TRIM72: variants seen among roughly 807,000 people sequenced by gnomAD.
TRIM72 encodes the protein tripartite motif containing 72.
TRIM72 carries 33 observed loss-of-function variants against 31.6 expected under a neutral mutation model. The observed-to-expected ratio is 1.04, with a 90% CI of 0.79 to 1.40. The LOEUF (loss-of-function observed/expected upper bound fraction) is 1.40. TRIM72 is among the 40% of genes most tolerant of loss of function. The probability of loss-of-function intolerance (pLI) is 0.00; values close to 1 mark genes in which losing one functional copy is unlikely to be tolerated. For missense variants in TRIM72, 666 were observed against 682.7 expected (o/e 0.98, Z 0.27); for synonymous variants, 301 against 314.4 (o/e 0.96, Z 0.45).
chr16:31,224,585 G>T lies in TRIM72; in HGVS notation c.1264G>T (p.Gly422Cys), dbSNP rs777875525. ...RIGLYLSFGD[G>C]VLSFYDASDA... is the part of the protein sequence containing the mutation. ...TGGCCTTTACCTGAGCTTCGGCGAC[G>T]GCGTCCTCTCCTTCTACGATGCCAG... The change falls in exon 7 of 7, where the codon GGC becomes TGC. Residue 422 changes from glycine (G) to cysteine (C), a missense_variant. Transcript: ENST00000322122. The T allele has an allele frequency of 2.6e-6, 4 of 1,554,164 alleles. No homozygotes were observed. The highest frequency in any genetic ancestry group is 3.7e-5 in the Admixed American group (2 of 53,680).
chr16:31,219,302 A>C lies in TRIM72; in HGVS notation c.500A>C (p.Gln167Pro). ...CCATCCCTGCAGGAGACAGTGCGTC[A>C]GTTCCGGGGGGCCGTGGGGGAGCAG... The part of the protein sequence containing the change: ...QLVEVEETVR[Q>P]FRGAVGEQLG... Residue 167 changes from glutamine (Q) to proline (P), a missense_variant, in exon 4 of 7, where the codon CAG becomes CCG. Transcript: ENST00000322122. The surrounding 1 kb of genome is among the most constrained non-coding windows in gnomAD (Gnocchi z 4.2). The C allele has an allele frequency of 6.2e-7, 1 of 1,614,172 alleles. No homozygotes were observed. The highest frequency in any genetic ancestry group is 8.5e-7 in the Non-Finnish European group (1 of 1,180,028).
At position 31,215,370 on chromosome 16, in the gene TRIM72, T is replaced by C. The variant is rs6565222; in HGVS notation, c.390+242T>C. 0.027 allele frequency among the ~76,000 whole-genome samples: 4,160 copies of C among 152,120 alleles called. 192 individuals carry two copies. Among genetic ancestry groups the C allele is most frequent in the African/African-American group, 0.094 (3,891 of 41,508 alleles). On this transcript the variant is annotated intron_variant, in intron 2 of 6. Coordinates refer to ENST00000322122, the MANE Select transcript of TRIM72 (RefSeq NM_001008274.4). This position sits in a 1 kb window ranked among gnomAD's most constrained non-coding sequence, Gnocchi z 6.3. Reference sequence around the variant, plus strand: ...GATAAGGGCGCTGAGCAAACGTAGGTTTCCCGGCCTTAGTCCCTAGAGGAA... The same window carrying C: ...GATAAGGGCGCTGAGCAAACGTAGGCTTCCCGGCCTTAGTCCCTAGAGGAA...
At position 31,219,862 on chromosome 16, in the gene TRIM72, A is replaced by G. The variant is rs2079525959; in HGVS notation, c.717+343A>G. On this transcript the variant is annotated intron_variant, in intron 4 of 6. Coordinates refer to ENST00000322122, the MANE Select transcript of TRIM72 (RefSeq NM_001008274.4). The surrounding 1 kb of genome is among the most constrained non-coding windows in gnomAD (Gnocchi z 4.2). ...ACTGCAAGCTCCGCCTCCTGGGTTC[A>G]TGCTATTCTCCTGCCTCAGCCTCCC... 1.4e-5 allele frequency among the ~76,000 whole-genome samples: 2 copies of G among 145,732 alleles called. No individual in the cohort carries two copies. Among genetic ancestry groups the G allele is most frequent in the African/African-American group, 5.2e-5 (2 of 38,668 alleles).
At chr16:31,221,379 A>G (rs1422892014) in intron 5 of TRIM72, among the ~76,000 whole-genome samples, 31 of 112,710 alleles carry the variant, frequency 2.8e-4, no homozygotes, top group South Asian at 6.9e-4. Context: ...GAAGGGCATT[A>G]TGGGGAGAAG....
At chr16:31,214,346 G>A (rs1176258799) in intron 1 of TRIM72, 49 bp downstream of exon 1, 1 of 180,606 alleles carries the variant, frequency 5.5e-6, no homozygotes, top group Non-Finnish European at 1.1e-5. Flanking sequence ...TGGGTATCTT[G>A]GTAAAGTGAG....
chr16:31,223,906 AAAAAAAC>A, intron 6 of TRIM72, among the ~76,000 whole-genome samples: 1 of 152,212 alleles, frequency 6.6e-6, no homozygotes, highest in East Asian at 1.9e-4. Flanking sequence ...ACCCCGCCTC[AAAAAAAC>A]AAAAAACAAA....
At position 31,231,104 on chromosome 16, in the gene TRIM72, A is replaced by G. The variant is rs1423870219; in HGVS notation, c.*6349A>G. On this transcript the variant is annotated 3_prime_UTR_variant, in exon 7 of 7. Coordinates refer to ENST00000322122, the MANE Select transcript of TRIM72 (RefSeq NM_001008274.4). ...AGTGGCGTGATCTCGGCTCACTGCA[A>G]CCTCCGCCCTCTGGGTTCACGCCAT... The G allele has an allele frequency of 6.6e-6, 1 of 151,294 alleles. No individual in the cohort carries two copies. Among genetic ancestry groups the G allele is most frequent in the Non-Finnish European group, 1.5e-5 (1 of 67,856 alleles). The allele number at this position is 151,294 out of a possible 1,614,324, so 9.4% of individuals were successfully genotyped here. A position where few individuals can be genotyped will look rare whatever the true frequency, so the allele number is the denominator to read the frequency against.
chr16:31,216,640 A>T lies in TRIM72; in HGVS notation c.390+1512A>T. The T allele has an allele frequency of 8.1e-7, 1 of 1,238,442 alleles. No homozygotes were observed. The highest frequency in any genetic ancestry group is 1.1e-6 in the Non-Finnish European group (1 of 900,370). 76.7% of individuals were successfully genotyped at this position (1,238,442 alleles called of 1,614,324 possible). A position where few individuals can be genotyped will look rare whatever the true frequency, so the allele number is the denominator to read the frequency against. ...GGGCTGGCCGGAGGTCTGAGGGAGG[A>T]CCCCAGGAGGGACCCTGAAGGAGGG... is the stretch of plus-strand genomic sequence containing the variant. On this transcript the variant is annotated intron_variant, in intron 2 of 6. Coordinates refer to ENST00000322122, the MANE Select transcript of TRIM72 (RefSeq NM_001008274.4). This position sits in a 1 kb window ranked among gnomAD's most constrained non-coding sequence, Gnocchi z 6.7.
chr16:31,223,957 C>T (rs990874016), intron 6 of TRIM72, among the ~76,000 whole-genome samples: 3 of 152,050 alleles, frequency 2.0e-5, no homozygotes, highest in African/African-American at 7.2e-5. Flanking sequence ...ACAACAAAAA[C>T]AAAAAGAAAA....
In TRIM72 at chr16:31,230,361, ACTGT is replaced by A. The variant is rs2079565990; in HGVS notation, c.*5609_*5612del. On this transcript the variant is annotated 3_prime_UTR_variant, in exon 7 of 7. Coordinates refer to ENST00000322122, the MANE Select transcript of TRIM72 (RefSeq NM_001008274.4). ...ATGTAATGCATGTCTCAACTGAATA[ACTGT>A]CTTTGTTTCTTGCTTCTGTAATATG... 6 of 152,160 alleles carry A rather than the reference ACTGT, an allele frequency of 3.9e-5. No individual in the cohort carries two copies. The highest frequency in any genetic ancestry group is 3.9e-4 in the Admixed American group (6 of 15,246). The allele number at this position is 152,160 out of a possible 1,614,324, so 9.4% of individuals were successfully genotyped here.
rs2079562593 is a variant in TRIM72, at chr16:31,229,085, G to C, written c.*4330G>C. 1 of 152,260 alleles carries C rather than the reference G, an allele frequency of 6.6e-6. No individual in the cohort carries two copies. The highest frequency in any genetic ancestry group is 2.1e-4 in the South Asian group (1 of 4,830). The allele number at this position is 152,260 out of a possible 1,614,324, so 9.4% of individuals were successfully genotyped here. Reference sequence around the variant, plus strand: ...GTCTACACACAGGCCATGGTGTCTGGAGGGATGGTGGTATCTGAGACCCAA... The same window carrying C: ...GTCTACACACAGGCCATGGTGTCTGCAGGGATGGTGGTATCTGAGACCCAA... On this transcript the variant is annotated 3_prime_UTR_variant, in exon 7 of 7. Transcript: ENST00000322122.
At position 31,219,083 on chromosome 16, in the gene TRIM72, C is replaced by T; in HGVS notation, c.391-12C>T. On this transcript the variant is annotated splice_polypyrimidine_tract_variant and intron_variant, in intron 2 of 6. Transcript: ENST00000322122. The surrounding 1 kb of genome is among the most constrained non-coding windows in gnomAD (Gnocchi z 4.2). ...TGGCATCCCCATCACTTCTCCATGC[C>T]TCGACCCCCAGACACAGCTGCCACA... The T allele has an allele frequency of 6.4e-7, 1 of 1,557,726 alleles. No homozygotes were observed. Among genetic ancestry groups the T allele is most frequent in the Middle Eastern group, 1.7e-4 (1 of 5,830 alleles).
rs1349892029 is a variant in TRIM72, at chr16:31,214,753, C to G, written c.15C>G (p.Pro5=). 1.3e-6 allele frequency: 2 copies of G among 1,574,112 alleles called. No homozygotes were observed. The highest frequency in any genetic ancestry group is 1.1e-5 in the South Asian group (1 of 88,800). Reference sequence around the variant, plus strand: ...CCAGGCCCGCCATGTCGGCTGCGCCCGGCCTCCTGCACCAGGAGCTGTCCT... The same window carrying G: ...CCAGGCCCGCCATGTCGGCTGCGCCGGGCCTCCTGCACCAGGAGCTGTCCT... The part of the protein sequence containing the change: MSAA[P]GLLHQELSCP... The change falls in exon 2 of 7, where the codon CCC becomes CCG. Residue 5 remains proline (P), a synonymous_variant. Transcript: ENST00000322122.
At position 31,230,358 on chromosome 16, in the gene TRIM72, A is replaced by G. The variant is rs936770671; in HGVS notation, c.*5603A>G. 2.6e-5 allele frequency: 4 copies of G among 152,188 alleles called. No individual in the cohort carries two copies. Among genetic ancestry groups the G allele is most frequent in the African/African-American group, 9.7e-5 (4 of 41,434 alleles). 9.4% of individuals were successfully genotyped at this position (152,188 alleles called of 1,614,324 possible). On this transcript the variant is annotated 3_prime_UTR_variant, in exon 7 of 7. Transcript: ENST00000322122. Reference sequence around the variant, plus strand: ...ATGATGTAATGCATGTCTCAACTGAATAACTGTCTTTGTTTCTTGCTTCTG... The same window carrying G: ...ATGATGTAATGCATGTCTCAACTGAGTAACTGTCTTTGTTTCTTGCTTCTG...
At position 31,220,593 on chromosome 16, in the gene TRIM72, C is replaced by G. The variant is rs528541011; in HGVS notation, c.718-303C>G. On this transcript the variant is annotated intron_variant, in intron 4 of 6. Coordinates refer to ENST00000322122, the MANE Select transcript of TRIM72 (RefSeq NM_001008274.4). ...AAGTGATTTTCGTGGCTCAGCCTCC[C>G]AAGTAGCTGGGATTACAGGTGCCTG... Among the ~76,000 whole-genome samples, 30 of 150,734 alleles carry G rather than the reference C, an allele frequency of 2.0e-4. 1 individual carries two copies. Among genetic ancestry groups the G allele is most frequent in the African/African-American group, 7.1e-4 (29 of 41,044 alleles).
chr16:31,216,114 G>A lies in TRIM72; in HGVS notation c.390+986G>A, dbSNP rs535938722. 6.6e-5 allele frequency: 10 copies of A among 152,356 alleles called. No homozygotes were observed. Among genetic ancestry groups the A allele is most frequent in the South Asian group, 6.2e-4 (3 of 4,836 alleles). The allele number at this position is 152,356 out of a possible 1,614,324, so 9.4% of individuals were successfully genotyped here. A position where few individuals can be genotyped will look rare whatever the true frequency, so the allele number is the denominator to read the frequency against. ...ACGCGACTGGTGCGCGCGTGGGGCT[G>A]GCTTCACAGGCGTTGCATTACTCCT... On this transcript the variant is annotated intron_variant, in intron 2 of 6. Coordinates refer to ENST00000322122, the MANE Select transcript of TRIM72 (RefSeq NM_001008274.4). The surrounding 1 kb of genome is among the most constrained non-coding windows in gnomAD (Gnocchi z 6.7).
At chr16:31,221,016 C>A (rs1457505304) in intron 5 of TRIM72, 98 bp downstream of exon 5, 6 of 1,467,482 alleles carry the variant, frequency 4.1e-6, no homozygotes, top group Non-Finnish European at 5.7e-6. Context: ...CCTGCACACC[C>A]GCAATTCAGT....
chr16:31,222,965 C>T lies in TRIM72; in HGVS notation c.859+20C>T. 6.4e-7 allele frequency: 1 copy of T among 1,574,278 alleles called. No individual in the cohort carries two copies. The highest frequency in any genetic ancestry group is 8.6e-7 in the Non-Finnish European group (1 of 1,156,784). On this transcript the variant is annotated intron_variant, in intron 6 of 6. Coordinates refer to ENST00000322122, the MANE Select transcript of TRIM72 (RefSeq NM_001008274.4). ...TGCCAGGTACCGGGAGGGACTGGCT[C>T]AGGTTTGTGTGTGACCAGGCAGTTG... is the stretch of plus-strand genomic sequence containing the variant.
chr16:31,217,192 A>C, intron 2 of TRIM72: 1 of 733,256 alleles, frequency 1.4e-6, no homozygotes, highest in Non-Finnish European at 2.2e-6. Context: ...CTCTGCAAAC[A>C]CCGCCTAGAG....
Sources: allele counts gnomAD v4.1 joint callset (sites outside exome capture counted in the v4.1 genomes callset), GRCh38; gene constraint gnomAD v4.1.1; non-coding constraint Gnocchi (gnomAD v3.1); transcripts MANE v1.5; gene names NCBI Gene and HGNC (gene_info 2026-07-23, HGNC 2026-07-21).